NID1: variants seen among roughly 807,000 people sequenced by gnomAD.
The protein encoded by NID1 is nidogen-1.
Under a neutral mutation model 130.6 loss-of-function variants are expected in NID1, and 76 were observed. The observed-to-expected ratio is 0.58, with a 90% confidence interval of 0.48 to 0.70. NID1 has a LOEUF of 0.70. Ranked by LOEUF, NID1 falls within the 30% of genes least tolerant of loss-of-function variation. The pLI is 0.00. For missense variants in NID1, 1,517 were observed against 1,664.8 expected (o/e 0.91, Z 1.54); for synonymous variants, 665 against 675.1 (o/e 0.98, Z 0.23).
chr1:236,019,022 T>C (rs1425757468), intron 9 of NID1, among the ~76,000 whole-genome samples: 1 of 152,196 alleles, frequency 6.6e-6, no homozygotes, highest in Non-Finnish European at 1.5e-5. Flanking sequence ...CCCAGGCAAA[T>C]ACCCAAACCA....
chr1:236,059,062 G>A (rs1253657344), intron 1 of NID1, among the ~76,000 whole-genome samples: 1 of 152,156 alleles, frequency 6.6e-6, no homozygotes, highest in African/African-American at 2.4e-5. Flanking sequence ...TCGCATACTT[G>A]AAACAGACAA....
Position 236,026,073 on chromosome 1 carries a change from G to C in NID1, c.1807C>G (p.Arg603Gly), listed in dbSNP as rs777371659. 1 of 1,613,392 alleles carries C rather than the reference G, an allele frequency of 6.2e-7. No homozygotes were observed. ...EPERDGASPSRIYTYQWRQTI... is the reference protein window; with the variant it reads ...EPERDGASPSGIYTYQWRQTI... The stretch of plus-strand genomic sequence containing the variant: ...TGGCGCCACTGGTAAGTGTAGATGC[G>C]TGAAGGAGATGCCCCATCTCGCTCG... The change falls in exon 8 of 20, where the codon CGC (arginine) becomes GGC (glycine). Residue 603 changes from arginine to glycine, a missense_variant. This residue lies in a region of NID1 where 1,329 missense variants were observed against 1,429.2 expected (regional missense o/e 0.93). Coordinates refer to ENST00000264187, the MANE Select transcript of NID1 (RefSeq NM_002508.3).
rs1231614036 is a variant in NID1, at chr1:235,993,752, T to A, written c.2648A>T (p.His883Leu). 2 of 1,613,656 alleles carry A rather than the reference T, an allele frequency of 1.2e-6. No homozygotes were observed. The highest frequency in any genetic ancestry group is 1.7e-6 in the Non-Finnish European group (2 of 1,179,856). Reference protein sequence around the residue: ...LFVPECDAHGHYAPTQCHGST... With the variant: ...LFVPECDAHGLYAPTQCHGST... ...GCCGTGGCACTGGGTGGGCGCGTAG[T>A]GCCCGTGCGCATCGCACTCAGGAAC... The change falls in exon 13 of 20, where the codon CAC becomes CTC. Residue 883 changes from histidine to leucine, a missense_variant. Physicochemically the swap from His to Leu is moderately conservative, Grantham distance 99. Around this residue, in one of 3 missense-constraint regions of NID1, gnomAD observed 1,329 missense variants for 1,429.2 expected, o/e 0.93. Transcript: ENST00000264187.
At chr1:236,014,216 C>CA (rs1658518436) in intron 10 of NID1, among the ~76,000 whole-genome samples, 2 of 151,040 alleles carry the variant, frequency 1.3e-5, no homozygotes, top group African/African-American at 2.4e-5. Context: ...CCCCCACCCC[C>CA]TCAACTCTCT....
At chr1:236,061,278 A>G (rs1005187662) in intron 1 of NID1, among the ~76,000 whole-genome samples, 7 of 152,110 alleles carry the variant, frequency 4.6e-5, no homozygotes, top group African/African-American at 1.7e-4. Flanking sequence ...AATGAGTGTC[A>G]CCCCGTAGCT....
At position 236,045,682 on chromosome 1, in the gene NID1, C is replaced by G; in HGVS notation, c.527G>C (p.Arg176Thr). 6.2e-7 allele frequency: 1 copy of G among 1,607,904 alleles called. No homozygotes were observed. The highest frequency in any genetic ancestry group is 1.1e-5 in the South Asian group (1 of 89,810). The change falls in exon 3 of 20, where the codon AGA becomes ACA. Residue 176 changes from arginine to threonine, a missense_variant and splice_region_variant. Arg to Thr is a moderately conservative substitution (Grantham distance 71, BLOSUM62 -1). Around this residue, in one of 3 missense-constraint regions of NID1, gnomAD observed 1,329 missense variants for 1,429.2 expected, o/e 0.93. Transcript: ENST00000264187. The part of the protein sequence containing the change: ...PSRDPDQKGK[R>T]NTFQAVLASS... ...GGCTAGAACAGCCTGGAACGTGTTT[C>G]TCTGTGAAGATGAGTTAAAATTCAG... is the stretch of plus-strand genomic sequence containing the variant.
Position 236,048,943 on chromosome 1 carries a change from T to C in NID1, c.272A>G (p.Glu91Gly). The C allele has an allele frequency of 6.2e-7, 1 of 1,614,100 alleles. No homozygotes were observed. ...TGGTGGGAAGAGCCCGGGATGGGATTCTTTGGCCGGGGGTTCACTCGTAGC... is the reference window on the plus strand; with the variant it reads ...TGGTGGGAAGAGCCCGGGATGGGATCCTTTGGCCGGGGGTTCACTCGTAGC... ...IIATSEPPAK[E>G]SHPGLFPPTF... The change falls in exon 2 of 20, where the codon GAA (glutamate) becomes GGA (glycine). Residue 91 changes from glutamate to glycine, a missense_variant. This residue lies in a region of NID1 where 1,329 missense variants were observed against 1,429.2 expected (regional missense o/e 0.93). Coordinates refer to ENST00000264187, the MANE Select transcript of NID1 (RefSeq NM_002508.3).
chr1:236,052,351 C>G (rs1376626511), intron 1 of NID1, among the ~76,000 whole-genome samples: 1 of 151,060 alleles, frequency 6.6e-6, no homozygotes, highest in Non-Finnish European at 1.5e-5. Flanking sequence ...GACACAGGCA[C>G]TCAGGCAGGA....
chr1:236,032,738 T>C, intron 5 of NID1, 86 bp from the exon 6 acceptor site: 1 of 1,521,704 alleles, frequency 6.6e-7, no homozygotes, highest in Admixed American at 2.2e-5. Context: ...CTGTACCTAT[T>C]GGTGAAGAAA....
Position 235,992,656 on chromosome 1 carries a change from G to A in NID1, c.2755+989C>T, listed in dbSNP as rs557189749. 5.3e-5 allele frequency among the ~76,000 whole-genome samples: 8 copies of A among 152,198 alleles called. No homozygotes were observed. The South Asian group carries it at 8.3e-4, about 16-fold the overall frequency. ...TTCCTGTCTATTCACCGTCCTTTCC[G>A]CTTCTTGGGGGCCCAGCACCGTGAC... is the stretch of plus-strand genomic sequence containing the variant. On this transcript the variant is annotated intron_variant, in intron 13 of 19. Coordinates refer to ENST00000264187, the MANE Select transcript of NID1 (RefSeq NM_002508.3).
intron 1 of NID1, among the ~76,000 whole-genome samples, chr1:236,054,547 T>C (rs763917792): frequency 3.3e-5 from 5 of 152,124 alleles, no homozygotes; most frequent in Non-Finnish European, 7.4e-5. Context: ...AAAAGCAAAA[T>C]AAAACATTTC....
chr1:236,020,672 A>G (rs549932495), intron 9 of NID1, among the ~76,000 whole-genome samples: 8 of 152,272 alleles, frequency 5.3e-5, no homozygotes, highest in African/African-American at 1.9e-4. Flanking sequence ...TTCTCCTCTA[A>G]CGCACTTCCC....
At chr1:235,987,889 T>C (rs1454009688) in intron 14 of NID1, among the ~76,000 whole-genome samples, 1 of 152,082 alleles carries the variant, frequency 6.6e-6, no homozygotes, top group African/African-American at 2.4e-5. Context: ...CATACAAAAA[T>C]TAACTCAAAT....
Position 236,048,830 on chromosome 1 carries a change from A to G in NID1, c.385T>C (p.Ser129Pro). 1 of 1,614,092 alleles carries G rather than the reference A, an allele frequency of 6.2e-7. No individual in the cohort carries two copies. Among genetic ancestry groups the G allele is most frequent in the Non-Finnish European group, 8.5e-7 (1 of 1,179,996 alleles). Residue 129 changes from serine to proline, a missense_variant, in exon 2 of 20, where the codon TCC becomes CCC. Physicochemically the swap from Ser to Pro is moderately conservative, Grantham distance 74 (BLOSUM62 -1). Transcript: ENST00000264187. ...KVYYREDLSP[S>P]ITQRAAECVH... is the part of the protein sequence containing the mutation. Reference sequence around the variant, plus strand: ...CACTCTGCTGCTCGCTGAGTGATGGAGGGGGATAAGTCTTCTCGATAATAA... The same window carrying G: ...CACTCTGCTGCTCGCTGAGTGATGGGGGGGGATAAGTCTTCTCGATAATAA...
intron 2 of NID1, 76 bp from the exon 3 acceptor site, chr1:236,045,759 C>G: frequency 1.7e-6 from 2 of 1,182,918 alleles, no homozygotes. Context: ...GCCAGACTAT[C>G]TATAAAGCGT....
Position 236,017,190 on chromosome 1 carries a change from A to T in NID1, c.2212T>A (p.Cys738Ser). The change falls in exon 10 of 20, where the codon TGT (cysteine) becomes AGT (serine). Residue 738 changes from cysteine (C) to serine (S), a missense_variant. Cys to Ser is a moderately radical substitution (Grantham distance 112). Transcript: ENST00000264187. Reference protein sequence around the residue: ...NNHPGTFRCECVEGYQFSDEG... With the variant: ...NNHPGTFRCESVEGYQFSDEG... The stretch of plus-strand genomic sequence containing the variant: ...TCTGAAAACTGGTAGCCCTCCACAC[A>T]CTCGCAGCGGAAGGTTCCTGGGTGA... The T allele has an allele frequency of 6.2e-7, 1 of 1,613,936 alleles. No individual in the cohort carries two copies. Among genetic ancestry groups the T allele is most frequent in the Non-Finnish European group, 8.5e-7 (1 of 1,179,990 alleles).
chr1:236,011,890 G>A (rs2102816076), intron 12 of NID1, 31 bp downstream of exon 12: 1 of 1,612,192 alleles, frequency 6.2e-7, no homozygotes, highest in Middle Eastern at 2.1e-4. Context: ...AGGGCAATGG[G>A]CTACCGACTC....
At chr1:235,982,176 C>T (rs937553519) in intron 15 of NID1, among the ~76,000 whole-genome samples, 2 of 152,150 alleles carry the variant, frequency 1.3e-5, no homozygotes, top group African/African-American at 4.8e-5. Context: ...TTGAAGCTGG[C>T]ACCTGAAGGA....
At chr1:236,004,378 C>T (rs1000459116) in intron 12 of NID1, among the ~76,000 whole-genome samples, 4 of 152,160 alleles carry the variant, frequency 2.6e-5, no homozygotes, top group Admixed American at 2.0e-4. Context: ...AGTGTGGGAA[C>T]AGGAAAGCCC....
Sources: gnomAD v4.1 joint callset for allele counts (sites outside exome capture counted in the v4.1 genomes callset) on GRCh38, gnomAD v4.1.1 for gene constraint, gnomAD v4.1.1 regional missense constraint, MANE v1.5 for transcripts, NCBI Gene and HGNC (gene_info 2026-07-23, HGNC 2026-07-21) for gene names.